The following PDE1C variants were observed in gnomAD, a reference collection of about 807,000 sequenced individuals.
PDE1C encodes the protein phosphodiesterase 1C.
A neutral mutation model predicts 93.1 loss-of-function variants in PDE1C; 62 were observed. That is an observed-to-expected ratio of 0.67 (90% CI 0.54 to 0.82). The LOEUF is 0.82. PDE1C is among the 40% of genes least tolerant of loss of function. PDE1C has a pLI of 0.00. For missense variants in PDE1C, 742 were observed against 884.6 expected, an observed-to-expected ratio of 0.84 and a Z score of 2.04; for synonymous variants, 325 against 310.1, an observed-to-expected ratio of 1.05 and a Z score of -0.50.
At chr7:32,115,417 A>T (rs1195290876) in intron 3 of PDE1C, among the ~76,000 whole-genome samples, 1 of 152,150 alleles carries the variant, frequency 6.6e-6, no homozygotes, top group Non-Finnish European at 1.5e-5. Flanking sequence ...GAGTTGAACA[A>T]TAAGAGCATG....
At chr7:31,962,550 C>T (rs1809158068) in intron 2 of PDE1C, among the ~76,000 whole-genome samples, 1 of 152,122 alleles carries the variant, frequency 6.6e-6, no homozygotes, top group Non-Finnish European at 1.5e-5. Flanking sequence ...ATAGAAGAAG[C>T]ATAGAATTGG....
intron 2 of PDE1C, among the ~76,000 whole-genome samples, chr7:31,962,487 T>C (rs1360831295): frequency 6.6e-6 from 1 of 152,130 alleles, no homozygotes; most frequent in South Asian, 2.1e-4. Context: ...TCAACTGCTA[T>C]CCCTACAGGC....
intron 17 of PDE1C, among the ~76,000 whole-genome samples, chr7:31,766,396 AT>A (rs1456525232): frequency 6.6e-6 from 1 of 152,142 alleles, no homozygotes; most frequent in East Asian, 1.9e-4. Context: ...AAAAAAAAAA[AT>A]CTTTAATATA....
intron 17 of PDE1C, among the ~76,000 whole-genome samples, chr7:31,757,650 G>A (rs538189658): frequency 3.3e-5 from 5 of 152,290 alleles, no homozygotes; most frequent in Admixed American, 2.0e-4. Context: ...GGAAACAACA[G>A]GTGCTGGAGA....
At chr7:31,655,396 T>G in the PDE1C span, among the ~76,000 whole-genome samples, 1 of 152,186 alleles carries the variant, frequency 6.6e-6, no homozygotes, top group Non-Finnish European at 1.5e-5. Context: ...CAGTGCAACA[T>G]AGGTGCTTCC....
intron 2 of PDE1C, among the ~76,000 whole-genome samples, chr7:32,205,909 A>T (rs1011298795): frequency 6.6e-6 from 1 of 152,208 alleles, no homozygotes. Context: ...GAAAATCTTA[A>T]GGAACAAACT....
At chr7:31,682,187 C>G in the PDE1C span, among the ~76,000 whole-genome samples, 1 of 152,150 alleles carries the variant, frequency 6.6e-6, no homozygotes, top group Non-Finnish European at 1.5e-5. Context: ...GTGCTTAGAA[C>G]AGTGTCTGGC....
At chr7:31,843,335 C>T (rs980587408) in intron 9 of PDE1C, among the ~76,000 whole-genome samples, 2 of 151,816 alleles carry the variant, frequency 1.3e-5, no homozygotes, top group African/African-American at 4.8e-5. Context: ...TATATTTCTC[C>T]TTTTTCTCCT....
At chr7:32,133,744 T>C (rs952854147) in intron 3 of PDE1C, among the ~76,000 whole-genome samples, 6 of 152,162 alleles carry the variant, frequency 3.9e-5, no homozygotes, top group Non-Finnish European at 8.8e-5. Context: ...CAATACATTG[T>C]TCATAACGTC....
At chr7:32,157,214 T>A (rs184537195) in intron 3 of PDE1C, among the ~76,000 whole-genome samples, 6 of 152,170 alleles carry the variant, frequency 3.9e-5, no homozygotes, top group Non-Finnish European at 7.4e-5. Context: ...CAACTTCTCT[T>A]CAACCCCCCT....
intron 16 of PDE1C, among the ~76,000 whole-genome samples, chr7:31,807,712 C>T (rs1787036814): frequency 6.6e-6 from 1 of 151,932 alleles, no homozygotes; most frequent in African/African-American, 2.4e-5. Context: ...GACAGCGTTC[C>T]TCCACTGTAC....
At chr7:32,306,144 G>T (rs564784284) in intron 1 of PDE1C, among the ~76,000 whole-genome samples, 4 of 152,060 alleles carry the variant, frequency 2.6e-5, no homozygotes, top group Non-Finnish European at 4.4e-5. Context: ...ACCTTCCACC[G>T]TGGTTGTGAG....
In PDE1C at chr7:32,339,085, GA is replaced by G. The variant is rs1237767808; in HGVS notation, c.310+88736del. Among the ~76,000 whole-genome samples, 20 of 149,862 alleles carry G rather than the reference GA, an allele frequency of 1.3e-4. No individual in the cohort carries two copies. In the East Asian group the frequency reaches 2.6e-3, roughly 19 times the overall value. On this transcript the variant is annotated intron_variant, in intron 1 of 1. Transcript: ENST00000672256. ...TAAGCTAAGTATTCATCAACAAACA[GA>G]AAAAAAATTGAGTTTTATTCAGCCT...
intron 2 of PDE1C, among the ~76,000 whole-genome samples, chr7:32,005,464 G>T (rs1786070470): frequency 6.8e-6 from 1 of 147,930 alleles, no homozygotes; most frequent in South Asian, 2.2e-4. Flanking sequence ...GCTGAGGCAG[G>T]AGAATGGTGT....
intron 1 of PDE1C, among the ~76,000 whole-genome samples, chr7:32,354,866 T>C (rs1784001347): frequency 1.3e-5 from 2 of 152,250 alleles, no homozygotes; most frequent in African/African-American, 4.8e-5. Flanking sequence ...AGAAGATCTC[T>C]CTAAGGCCTA....
chr7:31,650,782 G>A, the PDE1C span, among the ~76,000 whole-genome samples: 11 of 152,164 alleles, frequency 7.2e-5, no homozygotes, highest in Non-Finnish European at 1.2e-4. Flanking sequence ...AGTTAAACAA[G>A]ATTAAACAGA....
In PDE1C at chr7:31,752,178, T is replaced by C. The variant is rs1304028550; in HGVS notation, c.*1206A>G. Reference sequence around the variant, plus strand: ...GAATAGGATGAAGATCAGACTGGCCTGAAAACAAACCTAGTTTTCTCACTG... The same window carrying C: ...GAATAGGATGAAGATCAGACTGGCCCGAAAACAAACCTAGTTTTCTCACTG... On this transcript the variant is annotated 3_prime_UTR_variant, in exon 18 of 18. Coordinates refer to ENST00000396191, the MANE Select transcript of PDE1C (RefSeq NM_001191057.4). 5 of 152,198 alleles carry C rather than the reference T, an allele frequency of 3.3e-5. No individual in the cohort carries two copies. Among genetic ancestry groups the C allele is most frequent in the African/African-American group, 1.2e-4 (5 of 41,454 alleles). The allele number at this position is 152,198 out of a possible 1,614,324, so 9.4% of individuals were successfully genotyped here. A position where few individuals can be genotyped will look rare whatever the true frequency, so the allele number is the denominator to read the frequency against.
intron 9 of PDE1C, among the ~76,000 whole-genome samples, chr7:31,846,337 C>G (rs1290160949): frequency 6.7e-6 from 1 of 149,584 alleles, no homozygotes; most frequent in East Asian, 2.0e-4. Context: ...ACATATACAA[C>G]CATCTGATCT....
intron 16 of PDE1C, 81 bp downstream of exon 16, chr7:31,808,950 T>C: frequency 1.3e-6 from 1 of 790,516 alleles, no homozygotes; most frequent in South Asian, 1.5e-5. Context: ...CAACCACTAT[T>C]TCAATTTTGG....
Sources: gnomAD v4.1 joint callset for allele counts (sites outside exome capture counted in the v4.1 genomes callset) on GRCh38, gnomAD v4.1.1 for gene constraint, MANE v1.5 for transcripts, NCBI Gene and HGNC (gene_info 2026-07-23, HGNC 2026-07-21) for gene names.